The following DAB1 variants were observed in gnomAD, a reference collection of about 807,000 sequenced individuals.
DAB1 encodes the protein DAB adaptor protein 1, also known as disabled homolog 1.
DAB1 carries 15 observed loss-of-function variants against 64.6 expected under a neutral mutation model. That is an observed-to-expected ratio of 0.23 (90% CI 0.16 to 0.36). The LOEUF (loss-of-function observed/expected upper bound fraction) is 0.36. Among genes scored for constraint, DAB1 ranks in the 10% least tolerant of loss-of-function variants. DAB1 has a pLI of 1.00. For synonymous variants in DAB1, 235 were observed against 251.9 expected, an observed-to-expected ratio of 0.93 and a Z score of 0.64; for missense variants, 596 against 706.7, an observed-to-expected ratio of 0.84 and a Z score of 1.78.
intron 9 of DAB1, among the ~76,000 whole-genome samples, chr1:57,035,064 A>G (rs1557596135): frequency 6.6e-6 from 1 of 152,208 alleles, no homozygotes; most frequent in Non-Finnish European, 1.5e-5. Flanking sequence ...ACCACATCAA[A>G]TAACCATAGA....
At chr1:57,944,820 C>T (rs1450030150) in intron 5 of DAB1, among the ~76,000 whole-genome samples, 2 of 152,110 alleles carry the variant, frequency 1.3e-5, no homozygotes, top group Non-Finnish European at 2.9e-5. Context: ...ACACCTCATT[C>T]ATGTGATCAT....
intron 2 of DAB1, among the ~76,000 whole-genome samples, chr1:58,521,741 T>C (rs2100453781): frequency 6.6e-6 from 1 of 152,264 alleles, no homozygotes; most frequent in South Asian, 2.1e-4. Flanking sequence ...TAGTTCTATA[T>C]CTATTAAAGA....
At chr1:58,019,517 T>G (rs1374716174) in intron 5 of DAB1, among the ~76,000 whole-genome samples, 1 of 152,226 alleles carries the variant, frequency 6.6e-6, no homozygotes, top group African/African-American at 2.4e-5. Flanking sequence ...GTACCTATAA[T>G]AAGCTAGACA....
At chr1:57,954,635 C>T (rs1159357642) in intron 5 of DAB1, among the ~76,000 whole-genome samples, 2 of 152,186 alleles carry the variant, frequency 1.3e-5, no homozygotes, top group African/African-American at 4.8e-5. Flanking sequence ...TGCAGCATGC[C>T]TTTGGTTGAC....
intron 5 of DAB1, among the ~76,000 whole-genome samples, chr1:57,936,439 T>C (rs543789049): frequency 6.6e-6 from 1 of 152,356 alleles, no homozygotes; most frequent in African/African-American, 2.4e-5. Flanking sequence ...TCATCCAGGC[T>C]GGAGTGCAGT....
intron 5 of DAB1, chr1:58,074,564 G>GTGTGTATATATATATATATATATA (rs1332531604): frequency 2.2e-5 from 2 of 91,630 alleles, no homozygotes; most frequent in African/African-American, 8.7e-5. Context: ...ATATATGTGT[G>GTGTGTATATATATATATATATATA]TATATATATA....
chr1:58,036,109 A>G (rs182241050), intron 5 of DAB1, among the ~76,000 whole-genome samples: 1 of 152,348 alleles, frequency 6.6e-6, no homozygotes, highest in East Asian at 1.9e-4. Context: ...AAACCGGGGT[A>G]GGAAGTTGTT....
intron 1 of DAB1, among the ~76,000 whole-genome samples, chr1:57,376,116 T>C (rs1680878007): frequency 2.0e-5 from 3 of 152,206 alleles, no homozygotes; most frequent in Admixed American, 6.5e-5. Flanking sequence ...CACTGTCTTG[T>C]CTTCCACACA....
chr1:57,678,933 A>AT (rs11349766), intron 6 of DAB1, among the ~76,000 whole-genome samples: 12 of 148,964 alleles, frequency 8.1e-5, no homozygotes, highest in Non-Finnish European at 1.3e-4. Context: ...TGCCCGGCTA[A>AT]TTTTTTTTTT....
At chr1:57,724,891 G>T (rs960932021) in intron 6 of DAB1, among the ~76,000 whole-genome samples, 11 of 152,216 alleles carry the variant, frequency 7.2e-5, no homozygotes, top group African/African-American at 2.4e-5. Context: ...TGCCACATAG[G>T]TGCTGCTCAT....
At chr1:58,133,885 T>A (rs1164954491) in intron 5 of DAB1, among the ~76,000 whole-genome samples, 1 of 152,180 alleles carries the variant, frequency 6.6e-6, no homozygotes, top group African/African-American at 2.4e-5. Context: ...TTGGGGCCTG[T>A]CAATTCCTCC....
chr1:58,226,348 T>C (rs1659482610), intron 4 of DAB1, among the ~76,000 whole-genome samples: 1 of 152,090 alleles, frequency 6.6e-6, no homozygotes, highest in African/African-American at 2.4e-5. Context: ...GCACTAGTTT[T>C]TTTTCAGCCC....
At chr1:58,526,194 C>T (rs999775336) in intron 2 of DAB1, among the ~76,000 whole-genome samples, 4 of 152,074 alleles carry the variant, frequency 2.6e-5, no homozygotes, top group African/African-American at 9.7e-5. Context: ...TACAGCCAAT[C>T]TGTGGCCCCC....
chr1:58,274,290 T>TG (rs1158420796), intron 4 of DAB1, among the ~76,000 whole-genome samples: 2 of 115,904 alleles, frequency 1.7e-5, no homozygotes, highest in Non-Finnish European at 3.6e-5. Context: ...GTGCCCCTGC[T>TG]GGGGGGTGCC....
chr1:57,797,583 C>A (rs1215090789), intron 6 of DAB1, among the ~76,000 whole-genome samples: 1 of 152,140 alleles, frequency 6.6e-6, no homozygotes, highest in African/African-American at 2.4e-5. Context: ...AGAAAATCTA[C>A]AAATGCTAGA....
chr1:58,032,369 G>C (rs913566215), intron 5 of DAB1, among the ~76,000 whole-genome samples: 1 of 152,120 alleles, frequency 6.6e-6, no homozygotes, highest in Non-Finnish European at 1.5e-5. Context: ...TCTGTAAATT[G>C]AGATAATAGC....
chr1:58,232,637 A>C (rs1387976696), intron 4 of DAB1, among the ~76,000 whole-genome samples: 1 of 152,192 alleles, frequency 6.6e-6, no homozygotes, highest in Admixed American at 6.5e-5. Flanking sequence ...GGATTGTGGG[A>C]GCAGAGGAAG....
At chr1:58,046,900 G>A (rs1442512723) in intron 5 of DAB1, among the ~76,000 whole-genome samples, 3 of 152,170 alleles carry the variant, frequency 2.0e-5, no homozygotes, top group Admixed American at 1.3e-4. Flanking sequence ...GAGTGGAGAA[G>A]AACTGATTTT....
At chr1:57,763,910 T>C (rs1188506897) in intron 6 of DAB1, among the ~76,000 whole-genome samples, 1 of 152,176 alleles carries the variant, frequency 6.6e-6, no homozygotes, top group East Asian at 1.9e-4. Flanking sequence ...TTTTTGCATA[T>C]CAAAATCTGA....
Sources: allele counts gnomAD v4.1 joint callset (sites outside exome capture counted in the v4.1 genomes callset), GRCh38; gene constraint gnomAD v4.1.1; transcripts MANE v1.5; gene names NCBI Gene and HGNC (gene_info 2026-07-23, HGNC 2026-07-21).